GRIK2: variants seen among roughly 807,000 people sequenced by gnomAD.
GRIK2 encodes the protein glutamate receptor ionotropic, kainate 2.
GRIK2 carries 32 observed loss-of-function variants against 100.3 expected under a neutral mutation model. That is an observed-to-expected ratio of 0.32 (90% CI 0.24 to 0.43). The LOEUF is 0.43. Among genes scored for constraint, GRIK2 ranks in the 20% least tolerant of loss-of-function variants. GRIK2 has a pLI of 1.00. For missense variants in GRIK2, 843 were observed against 1,114.9 expected (o/e 0.76, Z 3.47); for synonymous variants, 417 against 389.4 (o/e 1.07, Z -0.83).
In GRIK2 at chr6:101,676,604, T is replaced by C; in HGVS notation, c.542-19T>C. ...TTTTATCTCTAATATTCTTTTTTTT[T>C]TTTCCATTTTAATTAAAGGTCTCAT... On this transcript the variant is annotated intron_variant, in intron 4 of 16. Transcript: ENST00000369134. 2 of 1,442,610 alleles carry C rather than the reference T, an allele frequency of 1.4e-6. No homozygotes were observed. Among genetic ancestry groups the C allele is most frequent in the East Asian group, 4.7e-5 (2 of 42,250 alleles). 89.4% of individuals were successfully genotyped at this position (1,442,610 alleles called of 1,614,324 possible). A position where few individuals can be genotyped will look rare whatever the true frequency, so the allele number is the denominator to read the frequency against.
intron 7 of GRIK2, among the ~76,000 whole-genome samples, chr6:101,770,327 C>G (rs1311534648): frequency 2.0e-5 from 3 of 151,960 alleles, no homozygotes; most frequent in Non-Finnish European, 4.4e-5. Flanking sequence ...CCCTGTCTTA[C>G]CTTGGCTGCA....
At chr6:101,901,827 A>G (rs1245763049) in intron 12 of GRIK2, among the ~76,000 whole-genome samples, 12 of 152,024 alleles carry the variant, frequency 7.9e-5, no homozygotes, top group Admixed American at 7.9e-4. Context: ...ATTACAAATC[A>G]GTAGAACTGA....
chr6:101,952,814 G>A (rs2128479799), intron 14 of GRIK2, among the ~76,000 whole-genome samples: 1 of 152,210 alleles, frequency 6.6e-6, no homozygotes, highest in South Asian at 2.1e-4. Flanking sequence ...GTGTTAGCCA[G>A]GATGGTCTGG....
intron 14 of GRIK2, among the ~76,000 whole-genome samples, chr6:102,031,410 A>G (rs1243665838): frequency 6.6e-6 from 1 of 150,580 alleles, no homozygotes; most frequent in Admixed American, 6.7e-5. Flanking sequence ...TGTGCCTATT[A>G]CATGAAAGTA....
At chr6:102,042,102 A>T (rs1271592952) in intron 15 of GRIK2, among the ~76,000 whole-genome samples, 1 of 151,684 alleles carries the variant, frequency 6.6e-6, no homozygotes, top group Admixed American at 6.6e-5. Context: ...ATCATAAGGC[A>T]TTATCTGAAC....
intron 4 of GRIK2, among the ~76,000 whole-genome samples, chr6:101,631,845 A>AT (rs1181472409): frequency 6.6e-6 from 1 of 151,844 alleles, no homozygotes; most frequent in Non-Finnish European, 1.5e-5. Context: ...AGTTAGTGTA[A>AT]TTTTTTTAAA....
At chr6:101,951,030 T>G (rs2128479072) in intron 14 of GRIK2, among the ~76,000 whole-genome samples, 1 of 152,270 alleles carries the variant, frequency 6.6e-6, no homozygotes, top group South Asian at 2.1e-4. Context: ...AGCAAGAAGT[T>G]GTGTGTCAGT....
At chr6:101,795,080 TG>T (rs778942262) in intron 7 of GRIK2, among the ~76,000 whole-genome samples, 6 of 152,104 alleles carry the variant, frequency 3.9e-5, no homozygotes, top group Non-Finnish European at 7.4e-5. Context: ...TTGTTTAGGC[TG>T]GCCTCAAACT....
chr6:101,904,490 TA>T (rs1377129416), intron 12 of GRIK2, among the ~76,000 whole-genome samples: 1 of 151,504 alleles, frequency 6.6e-6, no homozygotes, highest in Admixed American at 6.6e-5. Flanking sequence ...TTTAATTTTT[TA>T]AAAAAATGGC....
intron 11 of GRIK2, 28 bp from the exon 12 acceptor site, chr6:101,889,605 CTTTTTTT>C (rs2243354): frequency 1.1e-5 from 8 of 711,240 alleles, no homozygotes; most frequent in South Asian, 5.1e-5. Context: ...TTCTTTCTTT[CTTTTTTT>C]TTTTTTTTTG....
At chr6:101,767,720 T>C (rs1055685885) in intron 7 of GRIK2, among the ~76,000 whole-genome samples, 2 of 152,062 alleles carry the variant, frequency 1.3e-5, no homozygotes, top group African/African-American at 4.8e-5. Flanking sequence ...GCATGGGTGG[T>C]GGGATCTGAA....
At chr6:101,596,290 A>G in intron 2 of GRIK2, among the ~76,000 whole-genome samples, 1 of 149,996 alleles carries the variant, frequency 6.7e-6, no homozygotes, top group East Asian at 2.0e-4. Flanking sequence ...GGATTCAGCT[A>G]ATTTTTTCAT....
At chr6:101,511,175 T>C (rs1774295577) in intron 2 of GRIK2, among the ~76,000 whole-genome samples, 1 of 152,316 alleles carries the variant, frequency 6.6e-6, no homozygotes, top group African/African-American at 2.4e-5. Flanking sequence ...AATTTATCCT[T>C]GGAAATTCTC....
At chr6:101,466,688 C>G (rs531279817) in intron 2 of GRIK2, among the ~76,000 whole-genome samples, 19 of 152,002 alleles carry the variant, frequency 1.2e-4, no homozygotes, top group African/African-American at 4.1e-4. Context: ...ATAACTTTCT[C>G]CAGATGTCAA....
intron 10 of GRIK2, among the ~76,000 whole-genome samples, chr6:101,842,171 C>T (rs1783545094): frequency 6.6e-6 from 1 of 152,136 alleles, no homozygotes; most frequent in Non-Finnish European, 1.5e-5. Flanking sequence ...TGGTGTTCTT[C>T]GTTGCTATTT....
At chr6:101,782,241 A>G (rs1217207476) in intron 7 of GRIK2, among the ~76,000 whole-genome samples, 2 of 152,178 alleles carry the variant, frequency 1.3e-5, no homozygotes, top group South Asian at 2.1e-4. Context: ...AAAATATACA[A>G]TAAATTGTTG....
chr6:101,849,813 GTTTTTTTTTTT>G (rs36010543), intron 10 of GRIK2, among the ~76,000 whole-genome samples: 10 of 53,868 alleles, frequency 1.9e-4, no homozygotes, highest in African/African-American at 5.3e-4. Context: ...AAAAAGGAGG[GTTTTTTTTTTT>G]TTTTTTTTTT....
chr6:101,541,376 C>CCCACACACACACACACACACA (rs1554217240), intron 2 of GRIK2, among the ~76,000 whole-genome samples: 51 of 5,598 alleles, frequency 9.1e-3, no homozygotes, highest in African/African-American at 0.012. Flanking sequence ...GCGCACACAA[C>CCCACACACACACACACACACA]CACACACACA....
At chr6:101,746,551 T>A (rs1053294470) in intron 7 of GRIK2, among the ~76,000 whole-genome samples, 1 of 152,144 alleles carries the variant, frequency 6.6e-6, no homozygotes, top group African/African-American at 2.4e-5. Context: ...GGTCTTGAAC[T>A]CCTGACCTCA....
Sources: gnomAD v4.1 joint callset for allele counts (sites outside exome capture counted in the v4.1 genomes callset) on GRCh38, gnomAD v4.1.1 for gene constraint, MANE v1.5 for transcripts, NCBI Gene and HGNC (gene_info 2026-07-23, HGNC 2026-07-21) for gene names.